FASTKD1: variants seen among roughly 807,000 people sequenced by gnomAD.
The protein encoded by FASTKD1 is FAST kinase domain-containing protein 1, mitochondrial.
Under a neutral mutation model 90.9 loss-of-function variants are expected in FASTKD1, and 94 were observed. The ratio of observed to expected loss-of-function variants is 1.03; its 90% CI spans 0.88 to 1.23. FASTKD1 has a LOEUF of 1.23. FASTKD1 is among the 50% of genes most tolerant of loss of function. FASTKD1 has a pLI of 0.00. For synonymous variants in FASTKD1, 319 were observed against 345.8 expected (o/e 0.92, Z 0.86); for missense variants, 945 against 993.5 (o/e 0.95, Z 0.66).
chr2:169,558,746 C>T (rs1327160103), intron 5 of FASTKD1, among the ~76,000 whole-genome samples: 2 of 152,044 alleles, frequency 1.3e-5, no homozygotes, highest in Admixed American at 1.3e-4. Flanking sequence ...CCACCACACC[C>T]GGCCCTTTTT....
At chr2:169,565,249 C>CT (rs71003101) in intron 3 of FASTKD1, among the ~76,000 whole-genome samples, 1,545 of 26,552 alleles carry the variant, frequency 0.058, 599 homozygotes, top group Non-Finnish European at 0.084. Context: ...CCACACCAGG[C>CT]TTTTTTTTTT....
intron 9 of FASTKD1, 151 bp from the exon 10 acceptor site, chr2:169,540,330 GT>G: frequency 2.5e-6 from 2 of 803,656 alleles, no homozygotes; most frequent in Admixed American, 3.5e-5. Flanking sequence ...TAATGGTTAA[GT>G]GGTTACCTTT....
intron 7 of FASTKD1, among the ~76,000 whole-genome samples, chr2:169,550,725 T>G (rs539227526): frequency 3.3e-4 from 51 of 152,306 alleles, no homozygotes; most frequent in Admixed American, 2.4e-3. Flanking sequence ...ATGATCCTCC[T>G]GCCTCAGCCT....
intron 7 of FASTKD1, among the ~76,000 whole-genome samples, chr2:169,550,543 A>T (rs1196584939): frequency 6.6e-6 from 1 of 151,928 alleles, no homozygotes; most frequent in East Asian, 2.0e-4. Context: ...CTGTGGCATG[A>T]TCATAGTTCA....
chr2:169,550,113 C>T (rs541398890), intron 7 of FASTKD1, among the ~76,000 whole-genome samples: 43 of 152,152 alleles, frequency 2.8e-4, no homozygotes, highest in African/African-American at 9.9e-4. Context: ...CCTCCTGCCT[C>T]GGCTTCCCAA....
chr2:169,550,419 T>C (rs1316343187), intron 7 of FASTKD1, among the ~76,000 whole-genome samples: 1 of 152,198 alleles, frequency 6.6e-6, no homozygotes, highest in Non-Finnish European at 1.5e-5. Flanking sequence ...ATAAACTATA[T>C]TGTTGACAGT....
At chr2:169,532,017 A>G (rs1023818276) in intron 12 of FASTKD1, among the ~76,000 whole-genome samples, 2 of 152,192 alleles carry the variant, frequency 1.3e-5, no homozygotes, top group Non-Finnish European at 2.9e-5. Flanking sequence ...TTAGGCAATG[A>G]GTGATCATTA....
intron 5 of FASTKD1, among the ~76,000 whole-genome samples, chr2:169,559,119 C>T (rs768803191): frequency 7.3e-5 from 11 of 151,620 alleles, no homozygotes; most frequent in Non-Finnish European, 1.5e-4. Context: ...GGACTACAGG[C>T]GCTGCCATCA....
rs1230878306 is a variant in FASTKD1 at position 169,546,722 on chromosome 2, A to T, written c.1215-18T>A. 6.3e-7 allele frequency: 1 copy of T among 1,587,806 alleles called. No individual in the cohort carries two copies. The highest frequency in any genetic ancestry group is 1.4e-5 in the African/African-American group (1 of 73,652). On this transcript the variant is annotated intron_variant, in intron 7 of 14. Transcript: ENST00000453153. ...TCAAATAACTGCAAAATGAAAAATGAAAAGAATACATCAGCAACAAACCCA... is the reference window on the plus strand; with the variant it reads ...TCAAATAACTGCAAAATGAAAAATGTAAAGAATACATCAGCAACAAACCCA...
Position 169,529,813 on chromosome 2 carries a change from T to C in FASTKD1, c.*12A>G. 6.3e-7 allele frequency: 1 copy of C among 1,574,862 alleles called. No homozygotes were observed. Among genetic ancestry groups the C allele is most frequent in the Non-Finnish European group, 8.7e-7 (1 of 1,152,002 alleles). ...AAATGTAACACACGATAACATTCAT[T>C]TTAAATAAAAACTACAAACATGACT... is the stretch of plus-strand genomic sequence containing the variant. On this transcript the variant is annotated 3_prime_UTR_variant, in exon 15 of 15. Coordinates refer to ENST00000453153, the MANE Select transcript of FASTKD1 (RefSeq NM_024622.6).
intron 9 of FASTKD1, among the ~76,000 whole-genome samples, chr2:169,543,722 T>G (rs191099546): frequency 7.9e-5 from 12 of 152,240 alleles, no homozygotes; most frequent in Admixed American, 1.3e-4. Flanking sequence ...GGGGCTACAG[T>G]TCATTATTAT....
rs752677579 is a variant in FASTKD1 at position 169,557,323 on chromosome 2, T to C, written c.972-26A>G. Reference sequence around the variant, plus strand: ...CTAGAAGCAAAAAAAAAAAAGTTTTTGGTTGAAAGACTGAAAATTAGCTTG... The same window carrying C: ...CTAGAAGCAAAAAAAAAAAAGTTTTCGGTTGAAAGACTGAAAATTAGCTTG... On this transcript the variant is annotated intron_variant, in intron 5 of 14. Transcript: ENST00000453153. The C allele has an allele frequency of 2.9e-6, 4 of 1,360,804 alleles. No individual in the cohort carries two copies. The African/African-American group carries it at 6.0e-5, about 20-fold the overall frequency. The allele number at this position is 1,360,804 out of a possible 1,614,324, so 84.3% of individuals were successfully genotyped here.
intron 10 of FASTKD1, 82 bp downstream of exon 10, chr2:169,539,962 TAACATTA>T (rs1684896212): frequency 2.8e-6 from 2 of 710,158 alleles, no homozygotes; most frequent in Non-Finnish European, 2.1e-6. Context: ...AAAAAGTTAT[TAACATTA>T]AAATTCTTCA....
chr2:169,530,705 CATAAA>C lies in FASTKD1; in HGVS notation c.2328-9_2328-5del, dbSNP rs745961118. 1.3e-6 allele frequency: 2 copies of C among 1,483,532 alleles called. No homozygotes were observed. Among genetic ancestry groups the C allele is most frequent in the South Asian group, 2.4e-5 (2 of 82,092 alleles). The allele number at this position is 1,483,532 out of a possible 1,614,324, so 91.9% of individuals were successfully genotyped here. ...ATCCAAAAATTCCAAAGCAATCCTA[CATAAA>C]ATAAAAAAATATTTACTCCTAAAAT... On this transcript the variant is annotated splice_polypyrimidine_tract_variant and splice_region_variant and intron_variant, in intron 13 of 14. Transcript: ENST00000453153.
chr2:169,560,801 G>A lies in FASTKD1; in HGVS notation c.573-16C>T, dbSNP rs770154572. Reference sequence around the variant, plus strand: ...AGACAAGGAACTGAAAAAGAAAAAAGATGCAAAGATTTTTACATCAATTAA... The same window carrying A: ...AGACAAGGAACTGAAAAAGAAAAAAAATGCAAAGATTTTTACATCAATTAA... On this transcript the variant is annotated splice_polypyrimidine_tract_variant and intron_variant, in intron 4 of 14. Transcript: ENST00000453153. 5 of 991,460 alleles carry A rather than the reference G, an allele frequency of 5.0e-6. No homozygotes were observed. The South Asian group carries it at 8.6e-5, about 17-fold the overall frequency. 61.4% of individuals were successfully genotyped at this position (991,460 alleles called of 1,614,324 possible).
intron 8 of FASTKD1, 21 bp from the exon 9 acceptor site, chr2:169,544,856 A>G (rs1364559104): frequency 7.1e-7 from 1 of 1,399,084 alleles, no homozygotes; most frequent in Admixed American, 2.1e-5. Flanking sequence ...AGAACAAAAA[A>G]TTTATAGTTT....
intron 3 of FASTKD1, among the ~76,000 whole-genome samples, chr2:169,568,647 A>AGAGAG: frequency 6.9e-6 from 1 of 144,984 alleles, no homozygotes; most frequent in African/African-American, 2.7e-5. Flanking sequence ...AAAAAAAAAA[A>AGAGAG]AAAAAAAAAG....
intron 2 of FASTKD1, 28 bp from the exon 3 acceptor site, chr2:169,569,280 ACATAAT>A (rs780738274): frequency 3.1e-6 from 5 of 1,597,798 alleles, no homozygotes. Flanking sequence ...AATCCTCCAT[ACATAAT>A]CATTTTAAAA....
At chr2:169,543,824 C>A (rs1463023721) in intron 9 of FASTKD1, among the ~76,000 whole-genome samples, 1 of 149,994 alleles carries the variant, frequency 6.7e-6, no homozygotes, top group Non-Finnish European at 1.5e-5. Context: ...AAAAAAAAAA[C>A]CAAGTCAATG....
Sources: allele counts gnomAD v4.1 joint callset (sites outside exome capture counted in the v4.1 genomes callset), GRCh38; gene constraint gnomAD v4.1.1; transcripts MANE v1.5; gene names NCBI Gene and HGNC (gene_info 2026-07-23, HGNC 2026-07-21).